CYS1: variants seen among roughly 807,000 people sequenced by gnomAD.
CYS1 encodes the protein cystin-1.
Under a neutral mutation model 9.6 loss-of-function variants are expected in CYS1, and 5 were observed. The ratio of observed to expected loss-of-function variants is 0.52; its 90% CI spans 0.27 to 1.10. The LOEUF is 1.10. Among genes scored for constraint, CYS1 ranks in the 50% least tolerant of loss-of-function variants. The pLI, the probability that CYS1 is intolerant of heterozygous loss-of-function variation, is 0.11. For missense variants in CYS1, 221 were observed against 207.9 expected, an observed-to-expected ratio of 1.06 and a Z score of -0.39; for synonymous variants, 88 against 95.7, an observed-to-expected ratio of 0.92 and a Z score of 0.47.
chr2:10,079,417 C>T (rs1661906030), intron 1 of CYS1, among the ~76,000 whole-genome samples: 1 of 152,230 alleles, frequency 6.6e-6, no homozygotes, highest in Admixed American at 6.5e-5. Flanking sequence ...ACTGTTATTA[C>T]GAGTATTCAG....
In CYS1 at chr2:10,065,966, G is replaced by T. The variant is rs768187384; in HGVS notation, c.319-10C>A. On this transcript the variant is annotated splice_polypyrimidine_tract_variant and intron_variant, in intron 1 of 2. Transcript: ENST00000381813. ...TCTGCTCTGCGCACACCTTGAGAAAGATGAAATGAAGAGACATTCAAAGAT... is the reference window on the plus strand; with the variant it reads ...TCTGCTCTGCGCACACCTTGAGAAATATGAAATGAAGAGACATTCAAAGAT... The T allele has an allele frequency of 6.2e-7, 1 of 1,614,178 alleles. No homozygotes were observed. The highest frequency in any genetic ancestry group is 8.5e-7 in the Non-Finnish European group (1 of 1,180,024).
intron 1 of CYS1, among the ~76,000 whole-genome samples, chr2:10,068,355 G>C (rs1170485950): frequency 6.6e-6 from 1 of 152,102 alleles, no homozygotes; most frequent in African/African-American, 2.4e-5. Flanking sequence ...TTGGTTCTTT[G>C]GGGAGTTGAT....
At position 10,058,854 on chromosome 2, in the gene CYS1, C is replaced by T. The variant is rs766174689; in HGVS notation, c.476G>A (p.Ter159=). The T allele has an allele frequency of 5.1e-6, 8 of 1,570,514 alleles. No homozygotes were observed. In the Admixed American group the frequency reaches 1.1e-4, roughly 21 times the overall value. ...MASIEREYCR[*] ...TGGCGGGGGTGGAGCATGCTGTCCT[C>T]AGCGGCAGTACTCCCGCTCGATGCT... is the stretch of plus-strand genomic sequence containing the variant. Residue 159 remains the stop codon, a stop_retained_variant, in exon 3 of 3, where the codon TGA becomes TAA. Coordinates refer to ENST00000381813, the MANE Select transcript of CYS1 (RefSeq NM_001037160.3).
rs1661928324 is a variant in CYS1, at chr2:10,080,243, G to A, written c.-20C>T. 2.9e-6 allele frequency: 3 copies of A among 1,040,682 alleles called. No homozygotes were observed. In the African/African-American group the frequency reaches 5.2e-5, roughly 18 times the overall value. The allele number at this position is 1,040,682 out of a possible 1,614,324, so 64.5% of individuals were successfully genotyped here. On this transcript the variant is annotated 5_prime_UTR_variant, in exon 1 of 3. Coordinates refer to ENST00000381813, the MANE Select transcript of CYS1 (RefSeq NM_001037160.3). This position sits in a 1 kb window ranked among gnomAD's most constrained non-coding sequence, Gnocchi z 6.4. ...GCCCATGGCGCGCCCGCCGCCTCCCGGACCGCCGAGGGGGCCCCCATGAGG... is the reference window on the plus strand; with the variant it reads ...GCCCATGGCGCGCCCGCCGCCTCCCAGACCGCCGAGGGGGCCCCCATGAGG...
At position 10,079,892 on chromosome 2, in the gene CYS1, G is replaced by A. The variant is rs1265358025; in HGVS notation, c.318+14C>T. The A allele has an allele frequency of 4.5e-6, 5 of 1,107,034 alleles. No individual in the cohort carries two copies. The highest frequency in any genetic ancestry group is 5.5e-6 in the Non-Finnish European group (5 of 908,038). 68.6% of individuals were successfully genotyped at this position (1,107,034 alleles called of 1,614,324 possible). A position where few individuals can be genotyped will look rare whatever the true frequency, so the allele number is the denominator to read the frequency against. ...CCCCGCCGTCCCCCGAGGCCCTGCG[G>A]CTCCCACACTCACCGCGCTCCCCGC... On this transcript the variant is annotated intron_variant, in intron 1 of 2. Coordinates refer to ENST00000381813, the MANE Select transcript of CYS1 (RefSeq NM_001037160.3).
Position 10,063,731 on chromosome 2 carries a change from C to G in CYS1, c.371+2173G>C, listed in dbSNP as rs1006319179. ...GACTGGCCTGCAGGGTCCACGGCTG[C>G]CACGGGAGTCAGGTGTGTGCCGTGG... On this transcript the variant is annotated intron_variant, in intron 2 of 2. Coordinates refer to ENST00000381813, the MANE Select transcript of CYS1 (RefSeq NM_001037160.3). This position sits in a 1 kb window ranked among gnomAD's most constrained non-coding sequence, Gnocchi z 4.2. 6.6e-6 allele frequency among the ~76,000 whole-genome samples: 1 copy of G among 152,148 alleles called. No homozygotes were observed. Among genetic ancestry groups the G allele is most frequent in the African/African-American group, 2.4e-5 (1 of 41,422 alleles).
chr2:10,065,901 T>C lies in CYS1; in HGVS notation c.371+3A>G. The stretch of plus-strand genomic sequence containing the variant: ...GGGAGAGATGTGCCTCCCTGGTACT[T>C]ACTCAGAGACATTGCCGCTCCCCGG... On this transcript the variant is annotated splice_donor_region_variant and intron_variant, in intron 2 of 2. Coordinates refer to ENST00000381813, the MANE Select transcript of CYS1 (RefSeq NM_001037160.3). 6.2e-7 allele frequency: 1 copy of C among 1,614,178 alleles called. No homozygotes were observed. Among genetic ancestry groups the C allele is most frequent in the Non-Finnish European group, 8.5e-7 (1 of 1,180,012 alleles).
At chr2:10,062,938 A>G (rs1162554459) in intron 2 of CYS1, among the ~76,000 whole-genome samples, 2 of 152,194 alleles carry the variant, frequency 1.3e-5, no homozygotes, top group South Asian at 4.1e-4. Flanking sequence ...GTTCCCCTCC[A>G]TGAGCCCCTG....
intron 1 of CYS1, among the ~76,000 whole-genome samples, chr2:10,077,008 G>A (rs1375766781): frequency 2.0e-5 from 3 of 152,034 alleles, no homozygotes; most frequent in African/African-American, 7.3e-5. Context: ...CCCCAAACCT[G>A]CCCCTTCCAC....
intron 2 of CYS1, among the ~76,000 whole-genome samples, chr2:10,064,574 C>T (rs549646816): frequency 6.6e-6 from 1 of 152,280 alleles, no homozygotes; most frequent in Admixed American, 6.5e-5. Context: ...ATTCAAGGCC[C>T]TCCCAACACT....
intron 1 of CYS1, among the ~76,000 whole-genome samples, chr2:10,069,352 T>A (rs1247250365): frequency 2.0e-5 from 3 of 152,076 alleles, no homozygotes; most frequent in Non-Finnish European, 2.9e-5. Context: ...GGAAAAAAAA[T>A]TAATTATTTT....
chr2:10,077,141 C>A (rs972221195), intron 1 of CYS1, among the ~76,000 whole-genome samples: 1 of 151,998 alleles, frequency 6.6e-6, no homozygotes, highest in African/African-American at 2.4e-5. Flanking sequence ...GTCCATAAGC[C>A]AACCGCCCCT....
chr2:10,065,057 A>C (rs1661677121), intron 2 of CYS1, among the ~76,000 whole-genome samples: 1 of 151,902 alleles, frequency 6.6e-6, no homozygotes, highest in South Asian at 2.1e-4. Context: ...AAGCCATCTT[A>C]AACACCAGTT....
At chr2:10,067,410 T>TC (rs201240430) in intron 1 of CYS1, among the ~76,000 whole-genome samples, 95 of 147,836 alleles carry the variant, frequency 6.4e-4, no homozygotes, top group African/African-American at 2.0e-3. Context: ...TCTTTTCTTT[T>TC]TTTTTTTTTT....
intron 1 of CYS1, among the ~76,000 whole-genome samples, chr2:10,072,618 C>T (rs1001050254): frequency 3.9e-5 from 6 of 152,214 alleles, no homozygotes; most frequent in Non-Finnish European, 8.8e-5. Context: ...TTCTTTGAAG[C>T]CCAGGTTTGG....
At chr2:10,058,999 T>G in intron 2 of CYS1, 41 bp from the exon 3 acceptor site, 1 of 1,527,306 alleles carries the variant, frequency 6.5e-7, no homozygotes. Context: ...GGAGGCAGGA[T>G]GGTGCGTTCA....
At chr2:10,067,149 G>A (rs372937508) in intron 1 of CYS1, among the ~76,000 whole-genome samples, 2 of 152,058 alleles carry the variant, frequency 1.3e-5, no homozygotes, top group South Asian at 2.1e-4. Context: ...CTGAGTAGCT[G>A]GGATTACAGG....
intron 1 of CYS1, among the ~76,000 whole-genome samples, chr2:10,077,689 G>A (rs1313541806): frequency 6.6e-6 from 1 of 152,086 alleles, no homozygotes; most frequent in Non-Finnish European, 1.5e-5. Context: ...GCTGGCCGTG[G>A]TGGCGCACAT....
At chr2:10,069,822 G>C (rs576005283) in intron 1 of CYS1, among the ~76,000 whole-genome samples, 1 of 152,186 alleles carries the variant, frequency 6.6e-6, no homozygotes, top group African/African-American at 2.4e-5. Flanking sequence ...TAAATTGAGC[G>C]ATCAGAGTAG....
Sources: allele counts gnomAD v4.1 joint callset (sites outside exome capture counted in the v4.1 genomes callset), GRCh38; gene constraint gnomAD v4.1.1; non-coding constraint Gnocchi (gnomAD v3.1); transcripts MANE v1.5; gene names NCBI Gene and HGNC (gene_info 2026-07-23, HGNC 2026-07-21).